Variants in NUCB2 observed in about 807,000 individuals in gnomAD.
NUCB2 encodes nucleobindin-2.
A neutral mutation model predicts 57.9 loss-of-function variants in NUCB2; 48 were observed. The ratio of observed to expected loss-of-function variants is 0.83; its 90% CI spans 0.66 to 1.05. The LOEUF is 1.05. Ranked by LOEUF, NUCB2 falls within the 50% of genes least tolerant of loss-of-function variation. The pLI is 0.00. For missense variants in NUCB2, 442 were observed against 476.2 expected (o/e 0.93, Z 0.67); for synonymous variants, 139 against 152.1 (o/e 0.91, Z 0.64).
chr11:17,317,458 T>A (rs1201497430), intron 11 of NUCB2: 2 of 235,336 alleles, frequency 8.5e-6, no homozygotes, highest in African/African-American at 4.5e-5. Context: ...TTATCAATAC[T>A]ACACACATGG....
chr11:17,347,625 C>T lies in NUCB2; in HGVS notation n.2627-1720C>T, dbSNP rs377264687. 6.6e-5 allele frequency among the ~76,000 whole-genome samples: 10 copies of T among 152,160 alleles called. No individual in the cohort carries two copies. The South Asian group carries it at 8.3e-4, about 13-fold the overall frequency. On this transcript the variant is annotated intron_variant and non_coding_transcript_variant, in intron 2 of 2. Transcript: ENST00000532240. Reference sequence around the variant, plus strand: ...AATACTATTAATCTAACACATAGTCCGTATTCAAATTTCACCAACTGTCTC... The same window carrying T: ...AATACTATTAATCTAACACATAGTCTGTATTCAAATTTCACCAACTGTCTC...
chr11:17,311,770 C>G (rs1348616811), intron 8 of NUCB2, 102 bp from the exon 9 acceptor site: 1 of 712,700 alleles, frequency 1.4e-6, no homozygotes. Flanking sequence ...ATTGATGCTT[C>G]ACATCAGTAC....
chr11:17,312,998 G>A (rs1433985048), intron 10 of NUCB2, among the ~76,000 whole-genome samples: 2 of 148,128 alleles, frequency 1.4e-5, no homozygotes, highest in African/African-American at 4.9e-5. Context: ...GGCATGAGCC[G>A]CCGCACCAGG....
In NUCB2 at chr11:17,311,298, C is replaced by G. The variant is rs771397301; in HGVS notation, c.760+15C>G. The G allele has an allele frequency of 1.3e-6, 2 of 1,485,248 alleles. No individual in the cohort carries two copies. Among genetic ancestry groups the G allele is most frequent in the East Asian group, 4.5e-5 (2 of 44,112 alleles). 92.0% of individuals were successfully genotyped at this position (1,485,248 alleles called of 1,614,324 possible). ...CAAATTACATGGTAACGATTTGATACAAATATTAATATTTATATCTGCTGC... is the reference window on the plus strand; with the variant it reads ...CAAATTACATGGTAACGATTTGATAGAAATATTAATATTTATATCTGCTGC... On this transcript the variant is annotated intron_variant, in intron 8 of 13. Coordinates refer to ENST00000529010, the MANE Select transcript of NUCB2 (RefSeq NM_005013.4).
intron 2 of NUCB2, among the ~76,000 whole-genome samples, chr11:17,343,580 G>A (rs1952469056): frequency 6.6e-6 from 1 of 151,996 alleles, no homozygotes. Flanking sequence ...AGGTGATTTG[G>A]AGTTGTTTTA....
intron 5 of NUCB2, among the ~76,000 whole-genome samples, chr11:17,306,352 A>G (rs12282915): frequency 0.06 from 9,192 of 152,244 alleles, 916 homozygotes; most frequent in East Asian, 0.45. Flanking sequence ...AGAGATTCTG[A>G]CTCTGGGAAA....
chr11:17,293,383 G>A (rs986136413), intron 2 of NUCB2, among the ~76,000 whole-genome samples: 1 of 152,060 alleles, frequency 6.6e-6, no homozygotes, highest in Admixed American at 6.6e-5. Context: ...GAAGAGAGCA[G>A]CAGAAGTGAC....
intron 2 of NUCB2, among the ~76,000 whole-genome samples, chr11:17,287,569 A>ACCT (rs1201507936): frequency 6.7e-6 from 1 of 149,582 alleles, no homozygotes; most frequent in Non-Finnish European, 1.5e-5. Flanking sequence ...GCTACTCAGG[A>ACCT]GGCTGAGGCA....
chr11:17,311,051 T>TA (rs778775731), intron 7 of NUCB2, 41 bp downstream of exon 7: 16 of 1,492,004 alleles, frequency 1.1e-5, no homozygotes, highest in Non-Finnish European at 1.4e-5. Flanking sequence ...TAGATAAAGA[T>TA]ACTTCTTCGT....
chr11:17,298,992 C>G (rs1012487654), intron 4 of NUCB2, among the ~76,000 whole-genome samples: 8 of 152,246 alleles, frequency 5.3e-5, no homozygotes, highest in African/African-American at 1.9e-4. Context: ...AGCCACCATG[C>G]CCGGCCTCTC....
chr11:17,311,294 G>T lies in NUCB2; in HGVS notation c.760+11G>T, dbSNP rs2138924674. 6.5e-7 allele frequency: 1 copy of T among 1,532,310 alleles called. No individual in the cohort carries two copies. The highest frequency in any genetic ancestry group is 2.3e-5 in the East Asian group (1 of 44,262). 94.9% of individuals were successfully genotyped at this position (1,532,310 alleles called of 1,614,324 possible). On this transcript the variant is annotated intron_variant, in intron 8 of 13. Transcript: ENST00000529010. Reference sequence around the variant, plus strand: ...TTTTCAAATTACATGGTAACGATTTGATACAAATATTAATATTTATATCTG... The same window carrying T: ...TTTTCAAATTACATGGTAACGATTTTATACAAATATTAATATTTATATCTG...
rs534556278 is a variant in NUCB2, at chr11:17,339,052, A to G, written n.2626+1518A>G. ...GCCCAGGCTGGAGTGCAGTGGCGCA[A>G]TCTTGCCTCACTGCAGCCTCTGCCT... On this transcript the variant is annotated intron_variant and non_coding_transcript_variant, in intron 2 of 2. Coordinates refer to the NUCB2 transcript ENST00000532240. 2.6e-5 allele frequency among the ~76,000 whole-genome samples: 4 copies of G among 151,746 alleles called. No homozygotes were observed. In the South Asian group the frequency reaches 6.3e-4, roughly 24 times the overall value.
At chr11:17,303,655 C>T (rs530370916) in intron 5 of NUCB2, among the ~76,000 whole-genome samples, 65 of 152,042 alleles carry the variant, frequency 4.3e-4, no homozygotes, top group Non-Finnish European at 8.8e-4. Flanking sequence ...GAGGCCGAGG[C>T]GAGTGGGTCA....
At chr11:17,348,327 T>G (rs1591665314) in intron 2 of NUCB2, among the ~76,000 whole-genome samples, 1 of 120,098 alleles carries the variant, frequency 8.3e-6, no homozygotes, top group East Asian at 2.4e-4. Context: ...GTGTTTTTTT[T>G]TTTTTTTTTT....
intron 10 of NUCB2, among the ~76,000 whole-genome samples, chr11:17,313,868 T>C (rs376981458): frequency 9.7e-4 from 148 of 152,244 alleles, no homozygotes; most frequent in African/African-American, 3.4e-3. Flanking sequence ...TCTCGCTTCG[T>C]TCTCTCCTTA....
chr11:17,317,524 C>T, intron 11 of NUCB2: 1 of 404,562 alleles, frequency 2.5e-6, no homozygotes, highest in South Asian at 1.8e-5. Context: ...CCAATAATAT[C>T]CTTTATAACA....
intron 2 of NUCB2, chr11:17,337,608 G>A (rs1367605757): frequency 1.4e-4 from 22 of 152,090 alleles, no homozygotes; most frequent in Non-Finnish European, 2.9e-5. Flanking sequence ...CCAGGTGTGA[G>A]ATTTGAAGGA....
Position 17,282,818 on chromosome 11 carries a change from A to G in NUCB2, c.-126A>G, listed in dbSNP as rs1352053700. ...TGTTACGAGTCAGTTTTTAGTGAAA[A>G]AACATTGAGCTAGGAGCCAAGACCC... On this transcript the variant is annotated 5_prime_UTR_variant, in exon 2 of 14. Coordinates refer to ENST00000529010, the MANE Select transcript of NUCB2 (RefSeq NM_005013.4). 1.3e-5 allele frequency: 2 copies of G among 152,024 alleles called. No individual in the cohort carries two copies. Among genetic ancestry groups the G allele is most frequent in the African/African-American group, 4.8e-5 (2 of 41,400 alleles). 9.4% of individuals were successfully genotyped at this position (152,024 alleles called of 1,614,324 possible). A position where few individuals can be genotyped will look rare whatever the true frequency, so the allele number is the denominator to read the frequency against.
intron 2 of NUCB2, among the ~76,000 whole-genome samples, chr11:17,339,468 A>T (rs886173409): frequency 1.3e-5 from 2 of 151,628 alleles, no homozygotes; most frequent in Admixed American, 1.3e-4. Flanking sequence ...GTCATTTAAC[A>T]TTAGGTATAT....
Sources: gnomAD v4.1 joint callset for allele counts (sites outside exome capture counted in the v4.1 genomes callset) on GRCh38, gnomAD v4.1.1 for gene constraint, MANE v1.5 for transcripts, NCBI Gene and HGNC (gene_info 2026-07-23, HGNC 2026-07-21) for gene names.